GDAP2: variants seen among roughly 807,000 people sequenced by gnomAD.
The protein encoded by GDAP2 is ganglioside-induced differentiation-associated protein 2.
In GDAP2, 51 loss-of-function variants were observed where a neutral mutation model predicts 67.0. That is an observed-to-expected ratio of 0.76 (90% confidence interval 0.61 to 0.96). The LOEUF (loss-of-function observed/expected upper bound fraction) is 0.96, where lower values mean the gene tolerates loss of function less well. Among genes scored for constraint, GDAP2 ranks in the 40% least tolerant of loss-of-function variants. The probability of loss-of-function intolerance (pLI) is 0.00; values close to 1 mark genes in which losing one functional copy is unlikely to be tolerated. For missense variants in GDAP2, 547 were observed against 588.3 expected (o/e 0.93, Z 0.73); for synonymous variants, 203 against 207.3 (o/e 0.98, Z 0.18).
chr1:117,869,748 T>A lies in GDAP2; in HGVS notation c.*821A>T, dbSNP rs942467293. 6 of 152,640 alleles carry A rather than the reference T, an allele frequency of 3.9e-5. No homozygotes were observed. The highest frequency in any genetic ancestry group is 8.8e-5 in the Non-Finnish European group (6 of 68,064). 9.5% of individuals were successfully genotyped at this position (152,640 alleles called of 1,614,324 possible). A position where few individuals can be genotyped will look rare whatever the true frequency, so the allele number is the denominator to read the frequency against. Reference sequence around the variant, plus strand: ...TAGACCTGATAGCTAAACAAAATCATTCATGACTCTGGAAGACAACACACT... The same window carrying A: ...TAGACCTGATAGCTAAACAAAATCAATCATGACTCTGGAAGACAACACACT... On this transcript the variant is annotated 3_prime_UTR_variant, in exon 14 of 14. Coordinates refer to ENST00000369443, the MANE Select transcript of GDAP2 (RefSeq NM_017686.4).
At position 117,867,527 on chromosome 1, in the gene GDAP2, GAAAAAAA is replaced by G. The variant is rs745964438; in HGVS notation, c.*3035_*3041del. Reference sequence around the variant, plus strand: ...AACATGGTGAAACCCTGTCTCTACTGAAAAAAAAAAAAAAAAAAAAAAAAATTAGCCA... The same window carrying G: ...AACATGGTGAAACCCTGTCTCTACTGAAAAAAAAAAAAAAAAAATTAGCCA... On this transcript the variant is annotated 3_prime_UTR_variant, in exon 14 of 14. Transcript: ENST00000369443. 0.083 allele frequency: 6,664 copies of G among 80,076 alleles called. 408 individuals are homozygous for G. The highest frequency in any genetic ancestry group is 0.36 in the East Asian group (1,176 of 3,250). The allele number at this position is 80,076 out of a possible 1,614,324, so 5.0% of individuals were successfully genotyped here.
intron 12 of GDAP2, 39 bp from the exon 13 acceptor site, chr1:117,878,191 C>T: frequency 8.8e-7 from 1 of 1,138,168 alleles, no homozygotes; most frequent in Non-Finnish European, 1.3e-6. Context: ...AAGCTAGTTG[C>T]CATAGTTAGA....
intron 7 of GDAP2, among the ~76,000 whole-genome samples, chr1:117,897,945 C>T (rs1649319842): frequency 6.6e-6 from 1 of 152,148 alleles, no homozygotes; most frequent in Admixed American, 6.5e-5. Context: ...CGGCCTATAT[C>T]TATAACATAA....
At chr1:117,899,731 C>T (rs1649384379) in intron 6 of GDAP2, among the ~76,000 whole-genome samples, 1 of 151,948 alleles carries the variant, frequency 6.6e-6, no homozygotes, top group South Asian at 2.1e-4. Flanking sequence ...CTTGTAATTC[C>T]CATATCGATT....
chr1:117,874,803 G>A (rs1557793252), intron 13 of GDAP2, among the ~76,000 whole-genome samples: 2 of 152,208 alleles, frequency 1.3e-5, no homozygotes, highest in South Asian at 4.1e-4. Context: ...TCAGATGGAA[G>A]TGGGGAACTT....
At chr1:117,889,145 C>T (rs984432101) in intron 8 of GDAP2, among the ~76,000 whole-genome samples, 5 of 151,964 alleles carry the variant, frequency 3.3e-5, no homozygotes, top group Non-Finnish European at 5.9e-5. Flanking sequence ...ATGCACTATT[C>T]CATATTTTCA....
At chr1:117,917,458 G>A (rs1650089484) in intron 3 of GDAP2, among the ~76,000 whole-genome samples, 1 of 152,110 alleles carries the variant, frequency 6.6e-6, no homozygotes, top group Non-Finnish European at 1.5e-5. Context: ...AGCACCTAAT[G>A]TCCATTATTT....
intron 6 of GDAP2, 119 bp from the exon 7 acceptor site, chr1:117,899,335 C>G: frequency 1.5e-6 from 1 of 687,772 alleles, no homozygotes; most frequent in Middle Eastern, 4.1e-4. Context: ...AAGACTTTAC[C>G]ACTTCTGAGC....
chr1:117,909,988 G>C (rs949491139), intron 5 of GDAP2, among the ~76,000 whole-genome samples: 3 of 152,152 alleles, frequency 2.0e-5, no homozygotes, highest in Non-Finnish European at 4.4e-5. Context: ...GAGATGATAT[G>C]ACAAGGACTA....
intron 1 of GDAP2, among the ~76,000 whole-genome samples, chr1:117,921,909 T>C (rs962724580): frequency 6.6e-6 from 1 of 152,150 alleles, no homozygotes; most frequent in Admixed American, 6.5e-5. Flanking sequence ...GACTTAAGAA[T>C]ATAGACAGTA....
At position 117,929,247 on chromosome 1, in the gene GDAP2, A is replaced by G. The variant is rs144471309; in HGVS notation, c.-68+201T>C. On this transcript the variant is annotated intron_variant, in intron 1 of 13. Coordinates refer to ENST00000369443, the MANE Select transcript of GDAP2 (RefSeq NM_017686.4). ...GACTGCCCACCCTTTCACTTCTCGT[A>G]GAGACGGCGTCCCCGACAACGCCTC... Among the ~76,000 whole-genome samples, 6 of 152,280 alleles carry G rather than the reference A, an allele frequency of 3.9e-5. No individual in the cohort carries two copies. In the East Asian group the frequency reaches 1.2e-3, roughly 29 times the overall value.
Position 117,906,555 on chromosome 1 carries a change from T to C in GDAP2, c.587A>G (p.His196Arg), listed in dbSNP as rs368940283. The C allele has an allele frequency of 3.2e-6, 5 of 1,577,492 alleles. No homozygotes were observed. The highest frequency in any genetic ancestry group is 3.5e-6 in the Non-Finnish European group (4 of 1,149,758). The change falls in exon 6 of 14, where the codon CAT becomes CGT. Residue 196 changes from histidine (H) to arginine (R), a missense_variant. His to Arg is a conservative substitution (Grantham distance 29). Coordinates refer to ENST00000369443, the MANE Select transcript of GDAP2 (RefSeq NM_017686.4). Reference sequence around the variant, plus strand: ...TACTACTTTTTCAATGGTTTCCCCATGAATCTCTAGGAATCTTCTTACAGT... The same window carrying C: ...TACTACTTTTTCAATGGTTTCCCCACGAATCTCTAGGAATCTTCTTACAGT... ...LRTVRRFLEI[H>R]GETIEKVVFA...
At chr1:117,897,337 A>G (rs1649298964) in intron 7 of GDAP2, among the ~76,000 whole-genome samples, 1 of 152,224 alleles carries the variant, frequency 6.6e-6, no homozygotes, top group South Asian at 2.1e-4. Flanking sequence ...CTGACAAAAA[A>G]GAAGTATAAA....
chr1:117,910,913 C>A (rs958373566), intron 5 of GDAP2, among the ~76,000 whole-genome samples: 6 of 152,172 alleles, frequency 3.9e-5, no homozygotes, highest in African/African-American at 1.4e-4. Flanking sequence ...AAATAACATG[C>A]AAATTCTGTA....
chr1:117,919,866 T>C (rs950791918), intron 2 of GDAP2, among the ~76,000 whole-genome samples: 1 of 145,792 alleles, frequency 6.9e-6, no homozygotes, highest in African/African-American at 2.5e-5. Flanking sequence ...AGAAGATCAG[T>C]GGTTGCTTGG....
intron 3 of GDAP2, among the ~76,000 whole-genome samples, chr1:117,916,556 G>A (rs1306608082): frequency 6.6e-6 from 1 of 152,226 alleles, no homozygotes; most frequent in Non-Finnish European, 1.5e-5. Flanking sequence ...TGGATGTAAG[G>A]AGACCAGCTG....
At chr1:117,917,439 G>C (rs1650087835) in intron 3 of GDAP2, among the ~76,000 whole-genome samples, 1 of 152,128 alleles carries the variant, frequency 6.6e-6, no homozygotes, top group East Asian at 1.9e-4. Flanking sequence ...GAACACTTAG[G>C]ATGTGCTTAG....
intron 7 of GDAP2, among the ~76,000 whole-genome samples, chr1:117,898,117 C>T (rs1649324970): frequency 6.6e-6 from 1 of 152,156 alleles, no homozygotes; most frequent in African/African-American, 2.4e-5. Flanking sequence ...TTAGTCTTAT[C>T]TACTGTCCAG....
chr1:117,905,005 T>C (rs1182514575), intron 6 of GDAP2, among the ~76,000 whole-genome samples: 2 of 152,188 alleles, frequency 1.3e-5, no homozygotes, highest in Non-Finnish European at 2.9e-5. Context: ...CTAGAAGTCA[T>C]GTTTAACTCC....
Sources: allele counts gnomAD v4.1 joint callset (sites outside exome capture counted in the v4.1 genomes callset), GRCh38; gene constraint gnomAD v4.1.1; transcripts MANE v1.5; gene names NCBI Gene and HGNC (gene_info 2026-07-23, HGNC 2026-07-21).